The following EPHA6 variants were observed in gnomAD, a reference collection of about 807,000 sequenced individuals.
EPHA6 encodes the protein EPH receptor A6.
In EPHA6, 50 loss-of-function variants were observed where a neutral mutation model predicts 112.0. The ratio of observed to expected loss-of-function variants is 0.45; its 90% CI spans 0.36 to 0.56. The LOEUF is 0.56. EPHA6 is among the 20% of genes least tolerant of loss of function. EPHA6 has a pLI of 0.00. For missense variants in EPHA6, 1,280 were observed against 1,417.4 expected, an observed-to-expected ratio of 0.90 and a Z score of 1.56; for synonymous variants, 529 against 490.7, an observed-to-expected ratio of 1.08 and a Z score of -1.03.
At chr3:96,895,042 G>A (rs911525927) in intron 2 of EPHA6, among the ~76,000 whole-genome samples, 1 of 152,118 alleles carries the variant, frequency 6.6e-6, no homozygotes. Context: ...AACCACCATG[G>A]ACAATTTCTG....
intron 3 of EPHA6, among the ~76,000 whole-genome samples, chr3:97,212,429 C>T (rs1382189049): frequency 6.6e-6 from 1 of 152,104 alleles, no homozygotes; most frequent in Non-Finnish European, 1.5e-5. Flanking sequence ...AGTATTATTA[C>T]CAGATTATAT....
chr3:97,317,853 G>C (rs1438387788), intron 5 of EPHA6, among the ~76,000 whole-genome samples: 1 of 151,972 alleles, frequency 6.6e-6, no homozygotes, highest in Non-Finnish European at 1.5e-5. Context: ...GAATCCCAAA[G>C]AGCAATTCAC....
At chr3:97,048,622 T>C (rs557087959) in intron 3 of EPHA6, among the ~76,000 whole-genome samples, 31 of 152,206 alleles carry the variant, frequency 2.0e-4, no homozygotes, top group African/African-American at 6.7e-4. Flanking sequence ...ATGGGTGGGA[T>C]TGATGTGAGA....
Position 97,761,431 on chromosome 3 carries a change from T to C in EPHA6, c.*12730T>C. 1 of 180,032 alleles carries C rather than the reference T, an allele frequency of 5.6e-6. No individual in the cohort carries two copies. Among genetic ancestry groups the C allele is most frequent in the Non-Finnish European group, 1.2e-5 (1 of 84,000 alleles). The allele number at this position is 180,032 out of a possible 1,614,324, so 11.2% of individuals were successfully genotyped here. On this transcript the variant is annotated 3_prime_UTR_variant, in exon 18 of 18. Transcript: ENST00000389672. ...ATTACTAATTATTGTATTTTATTTT[T>C]CTATGATTTCCTAAGAGGCATTATC... is the stretch of plus-strand genomic sequence containing the variant.
At chr3:97,394,393 C>T (rs1278898179) in intron 5 of EPHA6, among the ~76,000 whole-genome samples, 7 of 151,688 alleles carry the variant, frequency 4.6e-5, no homozygotes. Context: ...TGCAAAATCC[C>T]AGGCAACAAA....
chr3:97,500,468 T>C (rs974746790), intron 10 of EPHA6, among the ~76,000 whole-genome samples: 1 of 151,972 alleles, frequency 6.6e-6, no homozygotes, highest in South Asian at 2.1e-4. Flanking sequence ...GAGGGGCAGG[T>C]GCTACATACT....
intron 3 of EPHA6, among the ~76,000 whole-genome samples, chr3:97,225,106 C>T (rs1028759564): frequency 1.3e-5 from 2 of 152,186 alleles, no homozygotes; most frequent in African/African-American, 4.8e-5. Context: ...CAGGCGCCCG[C>T]CACCACGCCC....
chr3:97,661,721 G>A (rs926057341), intron 14 of EPHA6, among the ~76,000 whole-genome samples: 7 of 152,144 alleles, frequency 4.6e-5, no homozygotes, highest in African/African-American at 1.7e-4. Context: ...TAAAGTTGTA[G>A]TGAGGTTTAT....
intron 2 of EPHA6, among the ~76,000 whole-genome samples, chr3:96,873,728 A>G (rs954214402): frequency 6.6e-6 from 1 of 152,102 alleles, no homozygotes; most frequent in Non-Finnish European, 1.5e-5. Context: ...TGTGGTATGT[A>G]TGTTGAGCAG....
chr3:97,578,772 T>A (rs2093411048), intron 11 of EPHA6, among the ~76,000 whole-genome samples: 1 of 152,216 alleles, frequency 6.6e-6, no homozygotes, highest in Admixed American at 6.5e-5. Flanking sequence ...ATATGCATCA[T>A]AAATTTAAAA....
intron 5 of EPHA6, among the ~76,000 whole-genome samples, chr3:97,344,687 G>T (rs1304671049): frequency 6.6e-6 from 1 of 152,174 alleles, no homozygotes; most frequent in Non-Finnish European, 1.5e-5. Flanking sequence ...GTTCCCAGTT[G>T]TTCCATGCCA....
intron 2 of EPHA6, among the ~76,000 whole-genome samples, chr3:96,935,713 A>G (rs1305694179): frequency 7.3e-6 from 1 of 137,838 alleles, no homozygotes; most frequent in East Asian, 2.2e-4. Flanking sequence ...TTATATATAC[A>G]TTATATATAC....
At chr3:97,729,820 A>G (rs1465941932) in intron 15 of EPHA6, among the ~76,000 whole-genome samples, 2 of 152,034 alleles carry the variant, frequency 1.3e-5, no homozygotes, top group African/African-American at 4.8e-5. Flanking sequence ...ATCTGTATAA[A>G]TAATCGTTAC....
intron 16 of EPHA6, 48 bp downstream of exon 16, chr3:97,736,166 C>A (rs773108055): frequency 1.3e-6 from 2 of 1,500,746 alleles, no homozygotes; most frequent in African/African-American, 1.4e-5. Context: ...ATTATGGTTT[C>A]TTTCAGGCTA....
At chr3:97,581,965 T>A (rs2093442962) in intron 11 of EPHA6, among the ~76,000 whole-genome samples, 1 of 152,228 alleles carries the variant, frequency 6.6e-6, no homozygotes, top group South Asian at 2.1e-4. Flanking sequence ...TCTTCCTGTA[T>A]GTTTGCAGGA....
chr3:97,724,085 A>C (rs2107806412), intron 15 of EPHA6, among the ~76,000 whole-genome samples: 1 of 152,316 alleles, frequency 6.6e-6, no homozygotes, highest in Admixed American at 6.5e-5. Context: ...AGAATATTTT[A>C]TATTTTTACT....
At chr3:97,151,504 A>G (rs911600852) in intron 3 of EPHA6, among the ~76,000 whole-genome samples, 2 of 152,106 alleles carry the variant, frequency 1.3e-5, no homozygotes, top group African/African-American at 2.4e-5. Flanking sequence ...ACCAAATTCA[A>G]TTGATAGAGT....
At chr3:97,097,848 G>C (rs1481032250) in intron 3 of EPHA6, among the ~76,000 whole-genome samples, 1 of 151,922 alleles carries the variant, frequency 6.6e-6, no homozygotes, top group African/African-American at 2.4e-5. Flanking sequence ...AAAAAGAGAA[G>C]TCAAGTAGGC....
intron 7 of EPHA6, among the ~76,000 whole-genome samples, chr3:97,465,608 A>G (rs2091025094): frequency 6.6e-6 from 1 of 152,058 alleles, no homozygotes; most frequent in African/African-American, 2.4e-5. Flanking sequence ...AATGATCCAA[A>G]AGCTTCCCTT....
Sources: allele counts gnomAD v4.1 joint callset (sites outside exome capture counted in the v4.1 genomes callset), GRCh38; gene constraint gnomAD v4.1.1; transcripts MANE v1.5; gene names NCBI Gene and HGNC (gene_info 2026-07-23, HGNC 2026-07-21).